The following SNCAIP variants were observed in gnomAD, a reference collection of about 807,000 sequenced individuals.
The protein encoded by SNCAIP is synuclein alpha interacting protein, also known as synphilin-1.
In SNCAIP, 43 loss-of-function variants were observed where a neutral mutation model predicts 86.7. The ratio of observed to expected loss-of-function variants is 0.50; its 90% CI spans 0.39 to 0.64. The LOEUF is 0.64. Among genes scored for constraint, SNCAIP ranks in the 30% least tolerant of loss-of-function variants. The pLI, the probability that SNCAIP is intolerant of heterozygous loss-of-function variation, is 0.00. For missense variants in SNCAIP, 981 were observed against 1,103.1 expected, an observed-to-expected ratio of 0.89 and a Z score of 1.57; for synonymous variants, 417 against 427.2, an observed-to-expected ratio of 0.98 and a Z score of 0.29.
chr5:122,461,669 G>GTTTTT lies in SNCAIP; in HGVS notation c.2755-1811_2755-1807dup, dbSNP rs55705552. 1.7e-4 allele frequency among the ~76,000 whole-genome samples: 23 copies of GTTTTT among 133,296 alleles called. 1 individual carries two copies. Among genetic ancestry groups the GTTTTT allele is most frequent in the Non-Finnish European group, 2.5e-4 (16 of 63,188 alleles). 87.4% of individuals were successfully genotyped at this position (133,296 alleles called of 152,430 possible). The stretch of plus-strand genomic sequence containing the variant: ...TTCTCTTTGTTCCTTTTTTATAGCT[G>GTTTTT]TTTTTTTTTTTTTTTCTTTTTCTTT... On this transcript the variant is annotated intron_variant, in intron 10 of 10. Transcript: ENST00000261368.
At chr5:122,439,802 T>C (rs1454011592) in intron 6 of SNCAIP, among the ~76,000 whole-genome samples, 3 of 152,222 alleles carry the variant, frequency 2.0e-5, no homozygotes, top group Non-Finnish European at 4.4e-5. Context: ...TTATATTTAA[T>C]CTTCTATTTT....
chr5:122,461,596 TTTATTTCTG>T (rs1325747553), intron 10 of SNCAIP, among the ~76,000 whole-genome samples: 1 of 152,064 alleles, frequency 6.6e-6, no homozygotes, highest in African/African-American at 2.4e-5. Context: ...TATTGAATTT[TTTATTTCTG>T]TTATAATAAT....
At chr5:122,435,248 A>G (rs1449619793) in intron 6 of SNCAIP, among the ~76,000 whole-genome samples, 1 of 152,214 alleles carries the variant, frequency 6.6e-6, no homozygotes, top group Admixed American at 6.5e-5. Context: ...AGGAAAAAGC[A>G]GGGAGTGTCC....
rs1257625841 is a variant in SNCAIP, at chr5:122,450,706, T to TA, written c.1860dup (p.Arg621ThrfsTer30). On this transcript the variant is annotated frameshift_variant, in exon 10 of 11. Coordinates refer to ENST00000261368, the MANE Select transcript of SNCAIP (RefSeq NM_005460.4). LOFTEE classifies it high-confidence loss of function. Reference sequence around the variant, plus strand: ...AAAGATGAAGATTCTGATAAAATCTTACGCCAGTTATTGGGAAAGGAAATC... The same window carrying TA: ...AAAGATGAAGATTCTGATAAAATCTTAACGCCAGTTATTGGGAAAGGAAATC... 2 of 1,614,212 alleles carry TA rather than the reference T, an allele frequency of 1.2e-6. No individual in the cohort carries two copies. The highest frequency in any genetic ancestry group is 1.7e-6 in the Non-Finnish European group (2 of 1,180,036).
chr5:122,366,817 A>C (rs1763295152), intron 1 of SNCAIP, among the ~76,000 whole-genome samples: 1 of 152,092 alleles, frequency 6.6e-6, no homozygotes, highest in African/African-American at 2.4e-5. Flanking sequence ...GGTTTTCAAC[A>C]GGGAAGTGGC....
intron 3 of SNCAIP, among the ~76,000 whole-genome samples, chr5:122,420,383 C>T (rs528192347): frequency 2.0e-4 from 31 of 152,226 alleles, no homozygotes; most frequent in African/African-American, 5.8e-4. Flanking sequence ...TTTGAACCTA[C>T]GACCTTATAT....
chr5:122,415,435 A>C lies in SNCAIP; in HGVS notation c.131-7433A>C, dbSNP rs535222847. Among the ~76,000 whole-genome samples, 8 of 152,378 alleles carry C rather than the reference A, an allele frequency of 5.3e-5. No homozygotes were observed. The East Asian group carries it at 1.5e-3, about 29-fold the overall frequency. ...ATTTAAGTTTTAGCAACAATAAAAC[A>C]AGAAGGGAACACTCTTATACCCTAA... On this transcript the variant is annotated intron_variant, in intron 3 of 10. Coordinates refer to ENST00000261368, the MANE Select transcript of SNCAIP (RefSeq NM_005460.4).
At chr5:122,313,889 T>C (rs893880175) in intron 1 of SNCAIP, among the ~76,000 whole-genome samples, 1 of 152,216 alleles carries the variant, frequency 6.6e-6, no homozygotes, top group South Asian at 2.1e-4. Flanking sequence ...TAAGGATCTT[T>C]TGGACACCTC....
chr5:122,315,251 T>C (rs967005596), intron 1 of SNCAIP, among the ~76,000 whole-genome samples: 4 of 152,214 alleles, frequency 2.6e-5, no homozygotes, highest in Admixed American at 6.5e-5. Context: ...GCTTTACTTA[T>C]ATGTCTGGCA....
At chr5:122,459,245 G>A (rs1030472619) in intron 10 of SNCAIP, among the ~76,000 whole-genome samples, 8 of 152,164 alleles carry the variant, frequency 5.3e-5, no homozygotes, top group South Asian at 2.1e-4. Flanking sequence ...GGTTATCAGC[G>A]GAAATGTCGT....
intron 1 of SNCAIP, among the ~76,000 whole-genome samples, chr5:122,350,702 C>T (rs376154563): frequency 2.3e-4 from 35 of 152,226 alleles, no homozygotes; most frequent in East Asian, 1.9e-3. Context: ...GGTCACAGAA[C>T]GTGTGTGGTA....
At chr5:122,318,394 C>T (rs1257882126) in intron 1 of SNCAIP, among the ~76,000 whole-genome samples, 2 of 152,172 alleles carry the variant, frequency 1.3e-5, no homozygotes, top group Non-Finnish European at 1.5e-5. Flanking sequence ...GTACGTATGG[C>T]GTTGGATATA....
chr5:122,328,140 C>G (rs1029319509), intron 1 of SNCAIP, among the ~76,000 whole-genome samples: 1 of 152,174 alleles, frequency 6.6e-6, no homozygotes, highest in Non-Finnish European at 1.5e-5. Context: ...AAGTCTTGAT[C>G]TGTTTCCCAT....
intron 2 of SNCAIP, among the ~76,000 whole-genome samples, chr5:122,403,191 G>T (rs1772193474): frequency 6.6e-6 from 1 of 152,138 alleles, no homozygotes; most frequent in African/African-American, 2.4e-5. Context: ...ATCTATATGT[G>T]AAAGAGATGA....
intron 6 of SNCAIP, chr5:122,436,348 G>A (rs942469651): frequency 1.4e-4 from 22 of 151,878 alleles, no homozygotes; most frequent in Non-Finnish European, 2.6e-4. Flanking sequence ...CCCATACTAG[G>A]CACTAGATGA....
chr5:122,407,480 G>A (rs1240651773), intron 3 of SNCAIP, among the ~76,000 whole-genome samples: 1 of 152,170 alleles, frequency 6.6e-6, no homozygotes, highest in Non-Finnish European at 1.5e-5. Context: ...GAAGAGCAAT[G>A]CCAGCAGGAT....
chr5:122,397,898 G>T (rs1770956712), intron 2 of SNCAIP, among the ~76,000 whole-genome samples: 1 of 152,088 alleles, frequency 6.6e-6, no homozygotes, highest in African/African-American at 2.4e-5. Flanking sequence ...AGACAAGGGG[G>T]GTGAATTTAA....
intron 2 of SNCAIP, chr5:122,401,048 T>C (rs761442145): frequency 7.0e-5 from 109 of 1,550,072 alleles, no homozygotes; most frequent in Non-Finnish European, 8.2e-5. Context: ...ACAGGGAAGA[T>C]GCAATGGGCT....
intron 1 of SNCAIP, among the ~76,000 whole-genome samples, chr5:122,328,315 A>G (rs896494917): frequency 3.3e-5 from 5 of 152,178 alleles, no homozygotes; most frequent in African/African-American, 1.2e-4. Context: ...TCTTCTGGCC[A>G]TCAGCATTTT....
Sources: allele counts gnomAD v4.1 joint callset (sites outside exome capture counted in the v4.1 genomes callset), GRCh38; gene constraint gnomAD v4.1.1; transcripts MANE v1.5; gene names NCBI Gene and HGNC (gene_info 2026-07-23, HGNC 2026-07-21).